Variants in MICU1 observed in about 807,000 individuals in gnomAD.
The protein encoded by MICU1 is mitochondrial calcium uptake 1.
MICU1 carries 45 observed loss-of-function variants against 56.8 expected under a neutral mutation model. That is an observed-to-expected ratio of 0.79 (90% CI 0.62 to 1.02). The LOEUF (loss-of-function observed/expected upper bound fraction) is 1.02, where lower values mean the gene tolerates loss of function less well. Ranked by LOEUF, MICU1 falls within the 50% of genes least tolerant of loss-of-function variation. The probability of loss-of-function intolerance (pLI) is 0.00; values close to 1 mark genes in which losing one functional copy is unlikely to be tolerated. For synonymous variants in MICU1, 186 were observed against 195.1 expected, an observed-to-expected ratio of 0.95 and a Z score of 0.39; for missense variants, 504 against 587.1, an observed-to-expected ratio of 0.86 and a Z score of 1.46.
At chr10:72,522,736 C>G (rs1867859551) in intron 5 of MICU1, among the ~76,000 whole-genome samples, 1 of 152,060 alleles carries the variant, frequency 6.6e-6, no homozygotes, top group Non-Finnish European at 1.5e-5. Flanking sequence ...ACTTAGCATG[C>G]AAAGAACAAG....
intron 11 of MICU1, among the ~76,000 whole-genome samples, chr10:72,371,547 AGCCT>A (rs1564832227): frequency 6.6e-6 from 1 of 152,104 alleles, no homozygotes; most frequent in Non-Finnish European, 1.5e-5. Context: ...GTTCGAGACC[AGCCT>A]GGCCAACATG....
rs142910865 is a variant in MICU1 at position 72,499,493 on chromosome 10, C to A, written c.652+8662G>T. On this transcript the variant is annotated intron_variant, in intron 6 of 11. Coordinates refer to ENST00000361114, the MANE Select transcript of MICU1 (RefSeq NM_001195518.2). ...AAATAACACATTGTGATACTTTTGG[C>A]CTTACAATATGCAAATGAGTATTTC... 2.5e-4 allele frequency among the ~76,000 whole-genome samples: 38 copies of A among 152,264 alleles called. 1 individual carries two copies. The East Asian group carries it at 7.1e-3, about 29-fold the overall frequency.
intron 1 of MICU1, among the ~76,000 whole-genome samples, chr10:72,570,967 A>T (rs11592595): frequency 0.57 from 86,061 of 152,082 alleles, 25,750 homozygotes; most frequent in Non-Finnish European, 0.68. Context: ...ATGAGCACTA[A>T]ACTAAAACAT....
At chr10:72,551,973 T>C (rs140502885) in intron 3 of MICU1, among the ~76,000 whole-genome samples, 1 of 152,260 alleles carries the variant, frequency 6.6e-6, no homozygotes, top group African/African-American at 2.4e-5. Context: ...GATTTTACAG[T>C]TTCTACTTCT....
chr10:72,442,587 T>C (rs1346365862), intron 8 of MICU1, among the ~76,000 whole-genome samples: 1 of 152,200 alleles, frequency 6.6e-6, no homozygotes, highest in Non-Finnish European at 1.5e-5. Context: ...TGCTAAGCGT[T>C]TGTGCTTTTC....
intron 1 of MICU1, among the ~76,000 whole-genome samples, chr10:72,616,630 G>A (rs1317026461): frequency 6.7e-6 from 1 of 150,070 alleles, no homozygotes; most frequent in Admixed American, 6.7e-5. Flanking sequence ...CTATAAAGAT[G>A]GTTTCCACTC....
At chr10:72,505,504 A>G (rs927837435) in intron 6 of MICU1, among the ~76,000 whole-genome samples, 2 of 152,212 alleles carry the variant, frequency 1.3e-5, no homozygotes, top group Admixed American at 6.5e-5. Flanking sequence ...AAAAAGACAC[A>G]TGCACTTGTA....
In MICU1 at chr10:72,586,776, C is replaced by T. The variant is rs927476919; in HGVS notation, c.-1-19982G>A. Reference sequence around the variant, plus strand: ...TAATCATCAAACCAAAATATGAAATCAGTTTGTTTGGTTGAGGTTTTTCTA... The same window carrying T: ...TAATCATCAAACCAAAATATGAAATTAGTTTGTTTGGTTGAGGTTTTTCTA... On this transcript the variant is annotated intron_variant, in intron 1 of 11. Transcript: ENST00000361114. Among the ~76,000 whole-genome samples the T allele has an allele frequency of 2.6e-5, 4 of 152,168 alleles. 1 individual carries two copies.
At chr10:72,509,121 T>C (rs1373731439) in intron 5 of MICU1, among the ~76,000 whole-genome samples, 1 of 152,326 alleles carries the variant, frequency 6.6e-6, no homozygotes, top group East Asian at 1.9e-4. Flanking sequence ...TGACATTGAA[T>C]ATATTTTCAA....
Position 72,600,219 on chromosome 10 carries a change from G to A in MICU1, c.-2+25791C>T, listed in dbSNP as rs368427580. Among the ~76,000 whole-genome samples, 4 of 151,626 alleles carry A rather than the reference G, an allele frequency of 2.6e-5. No individual in the cohort carries two copies. The East Asian group carries it at 7.7e-4, about 29-fold the overall frequency. On this transcript the variant is annotated intron_variant, in intron 1 of 11. Transcript: ENST00000361114. ...AGGCAGGAGAACTGCTTGAATCCGG[G>A]ATGGGGAGGTTGCAGTGGGCCAAGA... is the stretch of plus-strand genomic sequence containing the variant.
At chr10:72,474,674 A>G (rs1287196492) in intron 8 of MICU1, among the ~76,000 whole-genome samples, 1 of 152,164 alleles carries the variant, frequency 6.6e-6, no homozygotes, top group Non-Finnish European at 1.5e-5. Flanking sequence ...TATATTTTAT[A>G]TTAAGCACAC....
intron 1 of MICU1, among the ~76,000 whole-genome samples, chr10:72,610,766 G>T (rs1190039667): frequency 6.6e-6 from 1 of 152,208 alleles, no homozygotes; most frequent in African/African-American, 2.4e-5. Flanking sequence ...AGAGCTTATG[G>T]ATGTAGCTTA....
chr10:72,430,142 C>T (rs1364987178), intron 8 of MICU1, among the ~76,000 whole-genome samples: 2 of 152,122 alleles, frequency 1.3e-5, no homozygotes, highest in African/African-American at 2.4e-5. Context: ...CTTTCTTTTA[C>T]TTTCTTCTTT....
At chr10:72,408,770 T>C (rs1863711532) in intron 9 of MICU1, among the ~76,000 whole-genome samples, 1 of 152,220 alleles carries the variant, frequency 6.6e-6, no homozygotes, top group Non-Finnish European at 1.5e-5. Context: ...CTGAGCTTTT[T>C]GAGGCTTAAG....
intron 4 of MICU1, among the ~76,000 whole-genome samples, chr10:72,549,809 T>C (rs1839987935): frequency 6.6e-6 from 1 of 151,344 alleles, no homozygotes; most frequent in African/African-American, 2.4e-5. Context: ...CACATGCCTG[T>C]AATGCCAGCT....
At chr10:72,399,395 G>A (rs1863374157) in intron 10 of MICU1, among the ~76,000 whole-genome samples, 1 of 152,056 alleles carries the variant, frequency 6.6e-6, no homozygotes, top group Non-Finnish European at 1.5e-5. Flanking sequence ...AAACCACCAT[G>A]GCACATATAT....
chr10:72,377,561 G>T (rs1862566502), intron 10 of MICU1, among the ~76,000 whole-genome samples: 1 of 152,106 alleles, frequency 6.6e-6, no homozygotes. Flanking sequence ...TTAGAATTGG[G>T]TTCTCATGAA....
chr10:72,482,329 A>G (rs1057453212), intron 6 of MICU1, among the ~76,000 whole-genome samples: 1 of 152,126 alleles, frequency 6.6e-6, no homozygotes, highest in Admixed American at 6.5e-5. Context: ...CAAGTTTCTT[A>G]TTTTCTATTG....
chr10:72,530,165 T>C (rs1226388242), intron 5 of MICU1, among the ~76,000 whole-genome samples: 1 of 150,972 alleles, frequency 6.6e-6, no homozygotes, highest in Non-Finnish European at 1.5e-5. Flanking sequence ...CCGTCTCTAC[T>C]AAAAATACAA....
Sources: allele counts gnomAD v4.1 joint callset (sites outside exome capture counted in the v4.1 genomes callset), GRCh38; gene constraint gnomAD v4.1.1; transcripts MANE v1.5; gene names NCBI Gene and HGNC (gene_info 2026-07-23, HGNC 2026-07-21).